The following GAS2L3 variants were observed in gnomAD, a reference collection of about 807,000 sequenced individuals.
GAS2L3 encodes growth arrest specific 2 like 3.
GAS2L3 carries 28 observed loss-of-function variants against 37.0 expected under a neutral mutation model. The observed-to-expected ratio is 0.76, with a 90% CI of 0.56 to 1.04. GAS2L3 has a LOEUF of 1.04. Among genes scored for constraint, GAS2L3 ranks in the 50% least tolerant of loss-of-function variants. The probability of loss-of-function intolerance (pLI) is 0.00; values close to 1 mark genes in which losing one functional copy is unlikely to be tolerated. For missense variants in GAS2L3, 793 were observed against 817.6 expected (o/e 0.97, Z 0.37); for synonymous variants, 290 against 296.6 (o/e 0.98, Z 0.23).
At chr12:100,579,897 A>G in intron 1 of GAS2L3, 1 of 756,418 alleles carries the variant, frequency 1.3e-6, no homozygotes. Context: ...GACTTTCCAC[A>G]CCTGAAGGAA....
chr12:100,608,292 C>T (rs1956081207), intron 5 of GAS2L3, among the ~76,000 whole-genome samples: 1 of 152,074 alleles, frequency 6.6e-6, no homozygotes, highest in South Asian at 2.1e-4. Context: ...ACACAAGTAC[C>T]CCTGTGGCCA....
At position 100,624,199 on chromosome 12, in the gene GAS2L3, G is replaced by A. The variant is rs760005274; in HGVS notation, c.1394G>A (p.Cys465Tyr). ...LPESTLLPNKCSGKTQPKYLK... is the reference protein window; with the variant it reads ...LPESTLLPNKYSGKTQPKYLK... ...GAGTCCACACTTTTGCCAAATAAGT[G>A]TTCAGGAAAAACTCAACCTAAGTAT... Residue 465 changes from cysteine (C) to tyrosine (Y), a missense_variant, in exon 10 of 10, where the codon TGT becomes TAT. Physicochemically the swap from Cys to Tyr is radical, Grantham distance 194. Transcript: ENST00000547754. 6 of 1,613,780 alleles carry A rather than the reference G, an allele frequency of 3.7e-6. No individual in the cohort carries two copies. In the Admixed American group the frequency reaches 8.3e-5, roughly 22 times the overall value.
At position 100,624,121 on chromosome 12, in the gene GAS2L3, C is replaced by T. The variant is rs752076391; in HGVS notation, c.1316C>T (p.Pro439Leu). 1 of 1,613,920 alleles carries T rather than the reference C, an allele frequency of 6.2e-7. No individual in the cohort carries two copies. The highest frequency in any genetic ancestry group is 1.1e-5 in the South Asian group (1 of 91,048). Residue 439 changes from proline (P) to leucine (L), a missense_variant, in exon 10 of 10, where the codon CCC becomes CTC. By Grantham distance (98) the Pro-to-Leu change is moderately conservative. Coordinates refer to ENST00000547754, the MANE Select transcript of GAS2L3 (RefSeq NM_174942.3). ...TCACCGAGAAAATGTATTTCATCCC[C>T]CAATACCCCCAAGGCCAAGGTTATT... is the stretch of plus-strand genomic sequence containing the variant. ...SESPRKCISS[P>L]NTPKAKVIPA... is the part of the protein sequence containing the mutation.
intron 8 of GAS2L3, among the ~76,000 whole-genome samples, chr12:100,621,040 G>C (rs1168417299): frequency 6.6e-6 from 1 of 152,076 alleles, no homozygotes; most frequent in African/African-American, 2.4e-5. Flanking sequence ...AGGAAAATAA[G>C]TTCTGGACCT....
At chr12:100,581,046 A>T (rs545556920) in intron 1 of GAS2L3, among the ~76,000 whole-genome samples, 5 of 152,292 alleles carry the variant, frequency 3.3e-5, no homozygotes, top group Admixed American at 1.3e-4. Flanking sequence ...CTTTTTAAAT[A>T]CTAGGGACTG....
At chr12:100,583,376 G>A (rs1955737881) in intron 1 of GAS2L3, among the ~76,000 whole-genome samples, 1 of 152,234 alleles carries the variant, frequency 6.6e-6, no homozygotes, top group South Asian at 2.1e-4. Flanking sequence ...AAATGTTTGT[G>A]CCCACTGGGG....
chr12:100,598,220 T>A (rs1955939332), intron 3 of GAS2L3, among the ~76,000 whole-genome samples: 1 of 152,172 alleles, frequency 6.6e-6, no homozygotes, highest in Admixed American at 6.6e-5. Flanking sequence ...TTGCCAGTTG[T>A]CTCAATAATA....
intron 6 of GAS2L3, among the ~76,000 whole-genome samples, chr12:100,614,504 G>T (rs1194915264): frequency 6.6e-6 from 1 of 151,990 alleles, no homozygotes; most frequent in Non-Finnish European, 1.5e-5. Context: ...ATTTTTAAGT[G>T]TATTAGGTTT....
At position 100,625,073 on chromosome 12, in the gene GAS2L3, T is replaced by C. The variant is rs577842179; in HGVS notation, c.*183T>C. 3.9e-6 allele frequency: 2 copies of C among 509,306 alleles called. No individual in the cohort carries two copies. The highest frequency in any genetic ancestry group is 1.9e-5 in the African/African-American group (1 of 52,574). The allele number at this position is 509,306 out of a possible 1,614,324, so 31.5% of individuals were successfully genotyped here. On this transcript the variant is annotated 3_prime_UTR_variant, in exon 10 of 10. Coordinates refer to ENST00000547754, the MANE Select transcript of GAS2L3 (RefSeq NM_174942.3). ...ATCTGAATTCACTGGAAAGAGCCCT[T>C]CTGAAGCAAACAGTTGTAAAATCAC... is the stretch of plus-strand genomic sequence containing the variant.
At chr12:100,583,522 T>TTC (rs1565797162) in intron 1 of GAS2L3, among the ~76,000 whole-genome samples, 2 of 151,888 alleles carry the variant, frequency 1.3e-5, no homozygotes, top group African/African-American at 4.8e-5. Flanking sequence ...TTCCTTCCTT[T>TTC]CTTTCTTTTT....
In GAS2L3 at chr12:100,623,503, AT is replaced by A. The variant is rs554710357; in HGVS notation, c.757-57del. ...CATCACATATTGTAACTGCTAATGA[AT>A]TGTAACTATAAACCTCACAGTATTA... On this transcript the variant is annotated intron_variant, in intron 9 of 9. Coordinates refer to ENST00000547754, the MANE Select transcript of GAS2L3 (RefSeq NM_174942.3). The A allele has an allele frequency of 1.4e-4, 199 of 1,472,582 alleles. No homozygotes were observed. In the African/African-American group the frequency reaches 2.5e-3, roughly 19 times the overall value. 91.2% of individuals were successfully genotyped at this position (1,472,582 alleles called of 1,614,324 possible).
intron 5 of GAS2L3, among the ~76,000 whole-genome samples, chr12:100,607,068 C>A (rs1168649623): frequency 6.6e-6 from 1 of 152,188 alleles, no homozygotes; most frequent in Non-Finnish European, 1.5e-5. Context: ...ACATCCTTTT[C>A]TTTCAGACTG....
intron 4 of GAS2L3, among the ~76,000 whole-genome samples, chr12:100,601,374 T>C (rs1452752890): frequency 6.6e-6 from 1 of 152,128 alleles, no homozygotes; most frequent in East Asian, 1.9e-4. Context: ...GGAATATTAA[T>C]ATGCAGTGAA....
intron 1 of GAS2L3, chr12:100,578,848 A>G: frequency 2.8e-6 from 2 of 721,642 alleles, no homozygotes; most frequent in East Asian, 2.7e-5. Context: ...CCCATAATAT[A>G]TGTATGGCAT....
At chr12:100,603,808 A>G (rs1956022416) in intron 5 of GAS2L3, among the ~76,000 whole-genome samples, 1 of 152,124 alleles carries the variant, frequency 6.6e-6, no homozygotes, top group African/African-American at 2.4e-5. Context: ...ATTTTTATAT[A>G]TGGTGAGAGA....
At position 100,591,823 on chromosome 12, in the gene GAS2L3, C is replaced by T. The variant is rs1038950839; in HGVS notation, c.-64C>T. 2 of 152,066 alleles carry T rather than the reference C, an allele frequency of 1.3e-5. No individual in the cohort carries two copies. Among genetic ancestry groups the T allele is most frequent in the African/African-American group, 2.4e-5 (1 of 41,408 alleles). 9.4% of individuals were successfully genotyped at this position (152,066 alleles called of 1,614,324 possible). ...AGCTGTAATTCAAATCAGATGTGTT[C>T]AATACCTTCTACTACCCCATTGCTG... On this transcript the variant is annotated 5_prime_UTR_variant, in exon 2 of 10. Coordinates refer to ENST00000547754, the MANE Select transcript of GAS2L3 (RefSeq NM_174942.3).
rs61732200 is a variant in GAS2L3 at position 100,578,933 on chromosome 12, G to A, written c.-152+5148G>A. On this transcript the variant is annotated intron_variant, in intron 1 of 9. Coordinates refer to ENST00000547754, the MANE Select transcript of GAS2L3 (RefSeq NM_174942.3). ...GCTCCCTCAGTGCCTGATTGGAAGA[G>A]GGGATAAGGTTATAATTGTCATCCA... 3,737 of 914,894 alleles carry A rather than the reference G, an allele frequency of 4.1e-3. 95 individuals are homozygous for A. In the African/African-American group the frequency reaches 0.053, roughly 13 times the overall value. 56.7% of individuals were successfully genotyped at this position (914,894 alleles called of 1,614,324 possible).
At chr12:100,617,668 C>A in intron 6 of GAS2L3, 76 bp from the exon 7 acceptor site, 1 of 883,078 alleles carries the variant, frequency 1.1e-6, no homozygotes, top group South Asian at 1.5e-5. Context: ...TTTTATTTAA[C>A]TCTCTTCTTC....
intron 5 of GAS2L3, among the ~76,000 whole-genome samples, chr12:100,602,853 G>T (rs1593175618): frequency 6.6e-6 from 1 of 152,138 alleles, no homozygotes; most frequent in Middle Eastern, 3.4e-3. Context: ...GAGTTCAATT[G>T]TTTTGATTTT....
Sources: gnomAD v4.1 joint callset for allele counts (sites outside exome capture counted in the v4.1 genomes callset) on GRCh38, gnomAD v4.1.1 for gene constraint, MANE v1.5 for transcripts, NCBI Gene and HGNC (gene_info 2026-07-23, HGNC 2026-07-21) for gene names.